Variants in FLACC1 observed in about 807,000 individuals in gnomAD.
FLACC1 encodes the protein flagellum associated containing coiled-coil domains 1.
In FLACC1, 66 loss-of-function variants were observed where a neutral mutation model predicts 62.8. The ratio of observed to expected loss-of-function variants is 1.05; its 90% CI spans 0.86 to 1.29. The LOEUF (loss-of-function observed/expected upper bound fraction) is 1.29, where lower values mean the gene tolerates loss of function less well. FLACC1 is among the 50% of genes most tolerant of loss of function. The probability of loss-of-function intolerance (pLI) is 0.00; values close to 1 mark genes in which losing one functional copy is unlikely to be tolerated. For synonymous variants in FLACC1, 156 were observed against 161.0 expected, an observed-to-expected ratio of 0.97 and a Z score of 0.24; for missense variants, 452 against 489.1, an observed-to-expected ratio of 0.92 and a Z score of 0.71.
chr2:201,322,679 A>T (rs1330838683), intron 9 of FLACC1, among the ~76,000 whole-genome samples: 1 of 152,180 alleles, frequency 6.6e-6, no homozygotes, highest in Non-Finnish European at 1.5e-5. Flanking sequence ...ATATGAAAAA[A>T]CAGGGTTCTA....
chr2:201,351,497 A>G, intron 1 of FLACC1, 46 bp from the exon 2 acceptor site: 1 of 924,738 alleles, frequency 1.1e-6, no homozygotes, highest in Admixed American at 2.4e-5. Flanking sequence ...TTTAGAATCA[A>G]AGCAAAAATA....
chr2:201,348,266 A>G lies in FLACC1; in HGVS notation c.222T>C (p.Asn74=), dbSNP rs1255773576. Residue 74 remains asparagine, a synonymous_variant, in exon 4 of 15, where the codon AAT becomes AAC. Coordinates refer to ENST00000392257, the MANE Select transcript of FLACC1 (RefSeq NM_001127391.3). ...KIHSARQEET[N]KSFYEVINVS... is the part of the protein sequence containing the mutation. Reference sequence around the variant, plus strand: ...TGCCTTTACTCACATAAAATGATTTATTAGTCTCTTCTTGCCTTGCTGAAT... The same window carrying G: ...TGCCTTTACTCACATAAAATGATTTGTTAGTCTCTTCTTGCCTTGCTGAAT... 12 of 1,613,150 alleles carry G rather than the reference A, an allele frequency of 7.4e-6. No individual in the cohort carries two copies. Among genetic ancestry groups the G allele is most frequent in the Middle Eastern group, 1.6e-4 (1 of 6,062 alleles).
chr2:201,313,643 C>G (rs149229340), intron 9 of FLACC1, among the ~76,000 whole-genome samples: 1 of 152,174 alleles, frequency 6.6e-6, no homozygotes, highest in Non-Finnish European at 1.5e-5. Flanking sequence ...TAGCTGAAGA[C>G]AAAGGGCATA....
At chr2:201,342,265 A>G (rs1378454642) in intron 7 of FLACC1, 105 bp downstream of exon 7, 1 of 1,171,326 alleles carries the variant, frequency 8.5e-7, no homozygotes, top group Admixed American at 1.9e-5. Flanking sequence ...TCATCCCCCA[A>G]CTCCATTTAG....
At chr2:201,323,055 A>C (rs2110693) in intron 9 of FLACC1, among the ~76,000 whole-genome samples, 31,014 of 152,098 alleles carry the variant, frequency 0.2, 3,447 homozygotes, top group South Asian at 0.3. Context: ...AAAAAAGAAT[A>C]AAAAGAAATG....
intron 12 of FLACC1, among the ~76,000 whole-genome samples, chr2:201,295,780 T>TTCCAGAATCTACAATGATTCTGGAA (rs1226735289): frequency 2.6e-5 from 4 of 152,070 alleles, no homozygotes; most frequent in Non-Finnish European, 5.9e-5. Flanking sequence ...AGGGTTAATA[T>TTCCAGAATCTACAATGATTCTGGAA]TCCAGAATCT....
At position 201,299,298 on chromosome 2, in the gene FLACC1, C is replaced by T; in HGVS notation, c.882G>A (p.Glu294=). Residue 294 remains glutamate (E), a splice_region_variant and synonymous_variant, in exon 12 of 15, where the codon GAG becomes GAA. Coordinates refer to ENST00000392257, the MANE Select transcript of FLACC1 (RefSeq NM_001127391.3). ...TGTCACTTTGATGTTGTTTCAAGAG[C>T]TCCTAAAAACAATTTTATTGGGAAA... ...VFENFIQEKE[E]LLKQHQSDTL... 1 of 1,613,546 alleles carries T rather than the reference C, an allele frequency of 6.2e-7. No individual in the cohort carries two copies. The highest frequency in any genetic ancestry group is 8.5e-7 in the Non-Finnish European group (1 of 1,179,732).
chr2:201,308,940 C>G (rs1162147121), intron 10 of FLACC1, among the ~76,000 whole-genome samples: 1 of 152,182 alleles, frequency 6.6e-6, no homozygotes, highest in Non-Finnish European at 1.5e-5. Flanking sequence ...GGCTTAGACT[C>G]TCTTAGATCA....
chr2:201,313,834 A>G (rs1950261368), intron 9 of FLACC1, among the ~76,000 whole-genome samples: 1 of 152,214 alleles, frequency 6.6e-6, no homozygotes, highest in Non-Finnish European at 1.5e-5. Flanking sequence ...CCTCTACCAG[A>G]GCAGGTACTG....
At chr2:201,360,644 G>A (rs1295626795), upstream of FLACC1, among the ~76,000 whole-genome samples, 1 of 152,170 alleles carries the variant, frequency 6.6e-6, no homozygotes, top group Non-Finnish European at 1.5e-5. Context: ...GAATAGACCC[G>A]ACCAGGTAGC....
intron 6 of FLACC1, among the ~76,000 whole-genome samples, chr2:201,343,921 A>G (rs1291110234): frequency 6.6e-6 from 1 of 152,244 alleles, no homozygotes; most frequent in Admixed American, 6.5e-5. Flanking sequence ...GCACACACAC[A>G]GAGGTACTTG....
chr2:201,305,056 T>C (rs935276160), intron 11 of FLACC1, among the ~76,000 whole-genome samples: 1 of 152,136 alleles, frequency 6.6e-6, no homozygotes, highest in Non-Finnish European at 1.5e-5. Flanking sequence ...CCAAAAGCAA[T>C]GGCAACAAAA....
chr2:201,332,293 G>A (rs982525918), intron 7 of FLACC1, among the ~76,000 whole-genome samples: 13 of 151,624 alleles, frequency 8.6e-5, no homozygotes, highest in Non-Finnish European at 1.9e-4. Context: ...CTGTCCCCCA[G>A]GCTGGAGTGC....
intron 12 of FLACC1, among the ~76,000 whole-genome samples, chr2:201,291,891 G>A (rs1215647879): frequency 2.0e-5 from 3 of 152,162 alleles, no homozygotes; most frequent in African/African-American, 4.8e-5. Context: ...ACAAGCCTCA[G>A]TAGCCGATTC....
intron 11 of FLACC1, among the ~76,000 whole-genome samples, chr2:201,303,185 AG>A (rs1024556555): frequency 6.6e-5 from 10 of 152,124 alleles, no homozygotes; most frequent in African/African-American, 2.2e-4. Context: ...ACCGCTAGCA[AG>A]ACTAATAAAG....
chr2:201,299,379 G>GT (rs1390053710), intron 11 of FLACC1, 79 bp from the exon 12 acceptor site: 2 of 1,143,630 alleles, frequency 1.7e-6, no homozygotes, highest in African/African-American at 1.5e-5. Flanking sequence ...GCCAGACTAG[G>GT]ATTCAGGAAT....
rs1460826932 is a variant in FLACC1, at chr2:201,330,736, C to G, written c.622G>C (p.Glu208Gln). Residue 208 changes from glutamate (E) to glutamine (Q), a missense_variant and splice_region_variant, in exon 8 of 15, where the codon GAG (glutamate) becomes CAG (glutamine). This residue lies in a region of FLACC1 where 301 missense variants were observed against 318.4 expected (regional missense o/e 0.95). Coordinates refer to ENST00000392257, the MANE Select transcript of FLACC1 (RefSeq NM_001127391.3). ...AEKLAAQEKL[E>Q]EMGKEYKYLK... ...TCATTCTCCCAGGTCCCAGCAGTACCTAGCTTCTCTTGGGCAGCCAACTTC... is the reference window on the plus strand; with the variant it reads ...TCATTCTCCCAGGTCCCAGCAGTACGTAGCTTCTCTTGGGCAGCCAACTTC... The G allele has an allele frequency of 6.2e-7, 1 of 1,613,832 alleles. No homozygotes were observed. Among genetic ancestry groups the G allele is most frequent in the Non-Finnish European group, 8.5e-7 (1 of 1,179,922 alleles).
At chr2:201,359,573 C>T (rs183321485), upstream of FLACC1, among the ~76,000 whole-genome samples, 4 of 152,320 alleles carry the variant, frequency 2.6e-5, no homozygotes, top group Admixed American at 2.6e-4. Flanking sequence ...TGCTTGATTG[C>T]AAGTGGCTTA....
chr2:201,304,059 A>G (rs959253753), intron 11 of FLACC1, among the ~76,000 whole-genome samples: 1 of 152,184 alleles, frequency 6.6e-6, no homozygotes, highest in African/African-American at 2.4e-5. Context: ...TATTCAACAT[A>G]GTGTTGGAAG....
Sources: allele counts gnomAD v4.1 joint callset (sites outside exome capture counted in the v4.1 genomes callset), GRCh38; gene constraint gnomAD v4.1.1; regional missense constraint gnomAD v4.1.1; transcripts MANE v1.5; gene names NCBI Gene and HGNC (gene_info 2026-07-23, HGNC 2026-07-21).